Variants in ATP13A2 observed in about 807,000 individuals in gnomAD.
ATP13A2 encodes the protein ATPase cation transporting 13A2, also known as polyamine-transporting ATPase 13A2.
In ATP13A2, 83 loss-of-function variants were observed where a neutral mutation model predicts 138.3. The ratio of observed to expected loss-of-function variants is 0.60; its 90% CI spans 0.50 to 0.72. The LOEUF (loss-of-function observed/expected upper bound fraction) is 0.72. Ranked by LOEUF, ATP13A2 falls within the 30% of genes least tolerant of loss-of-function variation. ATP13A2 has a pLI of 0.00. For synonymous variants in ATP13A2, 663 were observed against 699.0 expected (o/e 0.95, Z 0.81); for missense variants, 1,402 against 1,606.4 (o/e 0.87, Z 2.17).
At position 17,000,201 on chromosome 1, in the gene ATP13A2, C is replaced by A. The variant is rs759914212; in HGVS notation, c.907+45G>T. The A allele has an allele frequency of 1.2e-4, 183 of 1,573,652 alleles. No homozygotes were observed. In the East Asian group the frequency reaches 1.5e-3, roughly 13 times the overall value. On this transcript the variant is annotated intron_variant, in intron 10 of 28. Transcript: ENST00000326735. ...GGGGCCAGCCCCAGCCATGCCCCCCCACCCTCCCACTCCTGCCCCCGCCCC... is the reference window on the plus strand; with the variant it reads ...GGGGCCAGCCCCAGCCATGCCCCCCAACCCTCCCACTCCTGCCCCCGCCCC...
Position 16,986,225 on chromosome 1 carries a change from C to T in ATP13A2, c.3539G>A (p.Arg1180Lys), listed in dbSNP as rs771312962. 77 of 1,612,210 alleles carry T rather than the reference C, an allele frequency of 4.8e-5. No homozygotes were observed. The highest frequency in any genetic ancestry group is 6.0e-5 in the Non-Finnish European group (71 of 1,179,520). ...TGGGGTGCCCGTGGGCCTGCACTAC[C>T]TCAGGGGGCCGGCGGGCAGCGGCGG... ...PWPPLPAGPL[R>K] Residue 1180 changes from arginine to lysine, a missense_variant, in exon 29 of 29, where the codon AGG becomes AAG. Physicochemically the swap from Arg to Lys is conservative, Grantham distance 26 (BLOSUM62 2). Transcript: ENST00000326735. This position sits in a 1 kb window ranked among gnomAD's most constrained non-coding sequence, Gnocchi z 6.9.
chr1:17,000,223 C>T, intron 10 of ATP13A2, 23 bp downstream of exon 10: 1 of 1,554,598 alleles, frequency 6.4e-7, no homozygotes, highest in Non-Finnish European at 8.7e-7. Flanking sequence ...CCTGCCCCCG[C>T]CCCCTGGGCC....
Position 17,004,881 on chromosome 1 carries a change from G to A in ATP13A2, c.348-60C>T. ...GGGAGCTGCCCTGGCACCTCCCTGT[G>A]CTCACAGAGCCATCTTCCCTCCCTA... On this transcript the variant is annotated intron_variant, in intron 4 of 28. Transcript: ENST00000326735. The surrounding 1 kb of genome is among the most constrained non-coding windows in gnomAD (Gnocchi z 4.1). 4 of 1,613,426 alleles carry A rather than the reference G, an allele frequency of 2.5e-6. No individual in the cohort carries two copies. Among genetic ancestry groups the A allele is most frequent in the South Asian group, 1.1e-5 (1 of 91,070 alleles).
In ATP13A2 at chr1:17,011,676, T is replaced by C; in HGVS notation, c.10+53A>G. On this transcript the variant is annotated intron_variant, in intron 1 of 28. Transcript: ENST00000326735. The surrounding 1 kb of genome is among the most constrained non-coding windows in gnomAD (Gnocchi z 7.3). ...TCTCCCTCCAAGGGGTGACGACAAC[T>C]GGCGGGCCGGGGACCGCGCCGGGCT... 6 of 1,477,624 alleles carry C rather than the reference T, an allele frequency of 4.1e-6. No homozygotes were observed. Among genetic ancestry groups the C allele is most frequent in the Non-Finnish European group, 5.4e-6 (6 of 1,120,662 alleles). The allele number at this position is 1,477,624 out of a possible 1,614,324, so 91.5% of individuals were successfully genotyped here.
chr1:17,008,213 G>C (rs945272208), intron 1 of ATP13A2, among the ~76,000 whole-genome samples: 9 of 152,082 alleles, frequency 5.9e-5, no homozygotes, highest in African/African-American at 2.2e-4. Context: ...TGCGATCATA[G>C]CTCACTGCAG....
chr1:17,004,469 T>A lies in ATP13A2; in HGVS notation c.478-58A>T. 1 of 1,596,232 alleles carries A rather than the reference T, an allele frequency of 6.3e-7. No individual in the cohort carries two copies. The stretch of plus-strand genomic sequence containing the variant: ...GCTGGCCCCGGCCCCAGAAGCAGTG[T>A]GCTTATGCTGGGAGCCGAGGGATGG... On this transcript the variant is annotated intron_variant, in intron 5 of 28. Transcript: ENST00000326735. The surrounding 1 kb of genome is among the most constrained non-coding windows in gnomAD (Gnocchi z 4.1).
At chr1:16,987,334 A>G (rs2076773226) in intron 25 of ATP13A2, 65 bp from the exon 26 acceptor site, 1 of 1,477,860 alleles carries the variant, frequency 6.8e-7, no homozygotes, top group Admixed American at 1.8e-5. Context: ...CTAGTCTGAT[A>G]GCAGAGGCCC....
intron 19 of ATP13A2, 72 bp downstream of exon 19, chr1:16,991,937 C>T: frequency 6.2e-7 from 1 of 1,611,554 alleles, no homozygotes; most frequent in South Asian, 1.1e-5. Flanking sequence ...GGGCATCTTC[C>T]TTGGGCTCTG....
At chr1:16,988,027 G>A (rs1434978504) in intron 25 of ATP13A2, 111 bp downstream of exon 25, 1 of 1,005,322 alleles carries the variant, frequency 9.9e-7, no homozygotes, top group Admixed American at 2.0e-5. Flanking sequence ...GGCAGGGTCA[G>A]GATCTGGGCC....
rs116488926 is a variant in ATP13A2 at position 16,997,483 on chromosome 1, T to C, written c.1040-308A>G. On this transcript the variant is annotated intron_variant, in intron 11 of 28. Coordinates refer to ENST00000326735, the MANE Select transcript of ATP13A2 (RefSeq NM_022089.4). ...GCAGTGGGGCAGGGTGGGGGAGTCGTTCTCTTTCTGCTGGAATTATTTTAT... is the reference window on the plus strand; with the variant it reads ...GCAGTGGGGCAGGGTGGGGGAGTCGCTCTCTTTCTGCTGGAATTATTTTAT... Among the ~76,000 whole-genome samples, 7,930 of 139,512 alleles carry C rather than the reference T, an allele frequency of 0.057. 296 individuals are homozygous for C. The highest frequency in any genetic ancestry group is 0.1 in the Middle Eastern group (24 of 236). The allele number at this position is 139,512 out of a possible 152,430, so 91.5% of individuals were successfully genotyped here. A position where few individuals can be genotyped will look rare whatever the true frequency, so the allele number is the denominator to read the frequency against.
In ATP13A2 at chr1:17,004,490, G is replaced by A; in HGVS notation, c.478-79C>T. On this transcript the variant is annotated intron_variant, in intron 5 of 28. Transcript: ENST00000326735. This position sits in a 1 kb window ranked among gnomAD's most constrained non-coding sequence, Gnocchi z 4.1. ...AGTGTGCTTATGCTGGGAGCCGAGG[G>A]ATGGGGGTAGGGGGCAGGGACTGGT... is the stretch of plus-strand genomic sequence containing the variant. The A allele has an allele frequency of 6.4e-7, 1 of 1,568,982 alleles. No individual in the cohort carries two copies. The highest frequency in any genetic ancestry group is 8.7e-7 in the Non-Finnish European group (1 of 1,146,880).
chr1:16,992,702 G>A, intron 16 of ATP13A2, 121 bp from the exon 17 acceptor site: 1 of 975,658 alleles, frequency 1.0e-6, no homozygotes, highest in Non-Finnish European at 1.6e-6. Context: ...TGTGGGCTTT[G>A]GAGCCCGGTG....
intron 18 of ATP13A2, 28 bp downstream of exon 18, chr1:16,992,215 A>T (rs768193544): frequency 4.3e-6 from 7 of 1,611,658 alleles, no homozygotes; most frequent in Non-Finnish European, 5.9e-6. Flanking sequence ...ATGCCCAACC[A>T]GGGGGACTCA....
chr1:16,992,611 TG>T (rs750412553), intron 16 of ATP13A2, 30 bp from the exon 17 acceptor site: 7 of 1,610,736 alleles, frequency 4.3e-6, no homozygotes, highest in Non-Finnish European at 5.9e-6. Context: ...GTTTGGTGTC[TG>T]GGGGCTTTGG....
chr1:16,990,881 A>C (rs543542238), intron 20 of ATP13A2, among the ~76,000 whole-genome samples: 4 of 151,886 alleles, frequency 2.6e-5, no homozygotes, highest in Non-Finnish European at 5.9e-5. Context: ...GTGTGTGCAC[A>C]TATGTGTGTG....
chr1:17,005,199 C>G, intron 3 of ATP13A2, 127 bp from the exon 4 acceptor site: 1 of 1,469,510 alleles, frequency 6.8e-7, no homozygotes, highest in South Asian at 1.2e-5. Context: ...CCAGAAACCA[C>G]CCGACCCGTC....
chr1:17,005,188 T>A, intron 3 of ATP13A2, 116 bp from the exon 4 acceptor site: 1 of 1,507,112 alleles, frequency 6.6e-7, no homozygotes, highest in African/African-American at 1.4e-5. Flanking sequence ...TGGAGAGCCC[T>A]CCAGAAACCA....
In ATP13A2 at chr1:16,986,718, C is replaced by T. The variant is rs528997540; in HGVS notation, c.3236-86G>A. On this transcript the variant is annotated intron_variant, in intron 27 of 28. Coordinates refer to ENST00000326735, the MANE Select transcript of ATP13A2 (RefSeq NM_022089.4). The surrounding 1 kb of genome is among the most constrained non-coding windows in gnomAD (Gnocchi z 6.9). Reference sequence around the variant, plus strand: ...TGTGCACGCCAGTCTTCCACTCGGCCGGCACCTCTCTCCCATCTGCCTCCC... The same window carrying T: ...TGTGCACGCCAGTCTTCCACTCGGCTGGCACCTCTCTCCCATCTGCCTCCC... The T allele has an allele frequency of 1.3e-5, 20 of 1,570,992 alleles. No individual in the cohort carries two copies. The highest frequency in any genetic ancestry group is 2.3e-5 in the East Asian group (1 of 42,742).
chr1:17,000,046 G>A lies in ATP13A2; in HGVS notation c.1004C>T (p.Ala335Val), dbSNP rs756767909. Residue 335 changes from alanine (A) to valine (V), a missense_variant, in exon 11 of 29, where the codon GCC (alanine) becomes GTC (valine). By Grantham distance (64) the Ala-to-Val change is moderately conservative. Coordinates refer to ENST00000326735, the MANE Select transcript of ATP13A2 (RefSeq NM_022089.4). ...GCTCTCATTCACCATGCACTCGCCG[G>A]CCACCAGGGCGGCATCACAGGGCAT... The part of the protein sequence containing the change: ...GLMPCDAALV[A>V]GECMVNESSL... 1.9e-6 allele frequency: 3 copies of A among 1,612,580 alleles called. No individual in the cohort carries two copies. In the African/African-American group the frequency reaches 4.0e-5, roughly 22 times the overall value.
Sources: allele counts gnomAD v4.1 joint callset (sites outside exome capture counted in the v4.1 genomes callset), GRCh38; gene constraint gnomAD v4.1.1; non-coding constraint Gnocchi (gnomAD v3.1); transcripts MANE v1.5; gene names NCBI Gene and HGNC (gene_info 2026-07-23, HGNC 2026-07-21).